The following CDH23 variants were observed in gnomAD, a reference collection of about 807,000 sequenced individuals.
CDH23 encodes cadherin related 23, also known as cadherin-23.
A neutral mutation model predicts 317.1 loss-of-function variants in CDH23; 189 were observed. The ratio of observed to expected loss-of-function variants is 0.60; its 90% CI spans 0.53 to 0.67. The LOEUF is 0.67. Ranked by LOEUF, CDH23 falls within the 30% of genes least tolerant of loss-of-function variation. The pLI, the probability that CDH23 is intolerant of heterozygous loss-of-function variation, is 0.00. For synonymous variants in CDH23, 1,839 were observed against 1,876.8 expected (o/e 0.98, Z 0.52); for missense variants, 4,401 against 4,592.4 (o/e 0.96, Z 1.20).
chr10:71,526,882 C>T (rs1855068035), intron 6 of CDH23, among the ~76,000 whole-genome samples: 1 of 152,186 alleles, frequency 6.6e-6, no homozygotes, highest in Non-Finnish European at 1.5e-5. Flanking sequence ...CTGTCAGTCA[C>T]TCCCAGCACC....
At chr10:71,470,070 T>C (rs1051741989) in intron 3 of CDH23, among the ~76,000 whole-genome samples, 1 of 152,150 alleles carries the variant, frequency 6.6e-6, no homozygotes, top group African/African-American at 2.4e-5. Flanking sequence ...CCTGGGCTCA[T>C]GTGATCCTCC....
intron 1 of CDH23, among the ~76,000 whole-genome samples, chr10:71,416,160 G>A (rs1848524845): frequency 6.6e-6 from 1 of 152,118 alleles, no homozygotes; most frequent in Non-Finnish European, 1.5e-5. Flanking sequence ...AATTAGCTGG[G>A]ATTACAGGTG....
At chr10:71,563,354 C>A (rs1446683853) in intron 6 of CDH23, among the ~76,000 whole-genome samples, 1 of 152,058 alleles carries the variant, frequency 6.6e-6, no homozygotes, top group Non-Finnish European at 1.5e-5. Flanking sequence ...GCCTCCCAGG[C>A]CCCCAGGTGC....
intron 1 of CDH23, among the ~76,000 whole-genome samples, chr10:71,423,358 G>A (rs1848901482): frequency 6.6e-6 from 1 of 152,220 alleles, no homozygotes; most frequent in African/African-American, 2.4e-5. Flanking sequence ...TGCCTCTACA[G>A]GGCTGTGGCT....
At position 71,730,475 on chromosome 10, in the gene CDH23, G is replaced by A. The variant is rs1168311433; in HGVS notation, c.3586G>A (p.Val1196Met). The A allele has an allele frequency of 6.2e-7, 1 of 1,613,688 alleles. No individual in the cohort carries two copies. Among genetic ancestry groups the A allele is most frequent in the Non-Finnish European group, 8.5e-7 (1 of 1,179,836 alleles). ...GPMRSSVRVI[V>M]YVEDINDEAP... is the part of the protein sequence containing the mutation. ...CCTGGCCCGGCTCCCACAGGTGATT[G>A]TGTACGTGGAGGACATCAACGATGA... is the stretch of plus-strand genomic sequence containing the variant. Residue 1196 changes from valine to methionine, a missense_variant, in exon 31 of 70, where the codon GTG becomes ATG. Physicochemically the swap from Val to Met is conservative, Grantham distance 21. This residue lies in a region of CDH23 where 3,068 missense variants were observed against 3,203.3 expected (regional missense o/e 0.96). Coordinates refer to ENST00000224721, the MANE Select transcript of CDH23 (RefSeq NM_022124.6).
rs75274724 is a variant in CDH23 at position 71,425,351 on chromosome 10, G to A, written c.-5-14476G>A. Among the ~76,000 whole-genome samples the A allele has an allele frequency of 3.5e-3, 442 of 126,130 alleles. 1 individual carries two copies. Among genetic ancestry groups the A allele is most frequent in the Middle Eastern group, 0.013 (3 of 226 alleles). The allele number at this position is 126,130 out of a possible 152,430, so 82.7% of individuals were successfully genotyped here. On this transcript the variant is annotated intron_variant, in intron 1 of 69. Transcript: ENST00000224721. The stretch of plus-strand genomic sequence containing the variant: ...AAAGAACAAAGAATAGTCACAGTGG[G>A]GCAGAGAGAAAGAGAGAGGAGAAGG...
At chr10:71,551,401 G>A (rs1856588919) in intron 6 of CDH23, among the ~76,000 whole-genome samples, 1 of 152,168 alleles carries the variant, frequency 6.6e-6, no homozygotes, top group African/African-American at 2.4e-5. Flanking sequence ...GAGAAGGAGG[G>A]AGGGGTGGGA....
At chr10:71,400,753 C>G (rs1158894895) in intron 1 of CDH23, among the ~76,000 whole-genome samples, 1 of 152,142 alleles carries the variant, frequency 6.6e-6, no homozygotes, top group Non-Finnish European at 1.5e-5. Context: ...GAGCCGAGAT[C>G]ATGCCACTGC....
intron 6 of CDH23, among the ~76,000 whole-genome samples, chr10:71,543,113 G>A (rs1041705195): frequency 6.6e-6 from 1 of 152,196 alleles, no homozygotes; most frequent in African/African-American, 2.4e-5. Flanking sequence ...ATGAGACGCT[G>A]TTCCTCCAGG....
At chr10:71,749,362 A>G (rs1047696810) in intron 38 of CDH23, 1 of 152,086 alleles carries the variant, frequency 6.6e-6, no homozygotes, top group Admixed American at 6.5e-5. Flanking sequence ...GCTGGAGTGT[A>G]GTGGCTCGAA....
rs564810283 is a variant in CDH23 at position 71,551,789 on chromosome 10, C to T, written c.430-14953C>T. On this transcript the variant is annotated intron_variant, in intron 6 of 69. Coordinates refer to ENST00000224721, the MANE Select transcript of CDH23 (RefSeq NM_022124.6). The stretch of plus-strand genomic sequence containing the variant: ...GTGGAGCCCAGTGGGCCTTGGTCTC[C>T]GAGACACAATAGACCAAGGAATTGG... 7.9e-5 allele frequency among the ~76,000 whole-genome samples: 12 copies of T among 152,270 alleles called. No individual in the cohort carries two copies. In the East Asian group the frequency reaches 1.5e-3, roughly 20 times the overall value.
chr10:71,735,547 T>C (rs553775383), intron 34 of CDH23, among the ~76,000 whole-genome samples: 57 of 152,250 alleles, frequency 3.7e-4, no homozygotes, highest in African/African-American at 1.3e-3. Flanking sequence ...GCCAGTCACA[T>C]CAGCTACCAT....
intron 1 of CDH23, among the ~76,000 whole-genome samples, chr10:71,423,482 G>T (rs1848905937): frequency 6.6e-6 from 1 of 152,234 alleles, no homozygotes. Flanking sequence ...GTGCTCCTTG[G>T]CTGGGCTCCT....
At position 71,806,269 on chromosome 10, in the gene CDH23, C is replaced by T. The variant is rs774041766; in HGVS notation, c.8166C>T (p.Phe2722=). ...ACATCGATGACAACGAACCCCTTTTCGTGAGGCCTCCAGTGAGCTTGCCCA... is the reference window on the plus strand; with the variant it reads ...ACATCGATGACAACGAACCCCTTTTTGTGAGGCCTCCAGTGAGCTTGCCCA... ...LEDIDDNEPL[F]VRPPKGSPQY... The change falls in exon 57 of 70, where the codon TTC becomes TTT. Residue 2722 remains phenylalanine, a synonymous_variant. Transcript: ENST00000224721. 6.4e-7 allele frequency: 1 copy of T among 1,558,120 alleles called. No homozygotes were observed. Among genetic ancestry groups the T allele is most frequent in the Non-Finnish European group, 8.7e-7 (1 of 1,151,622 alleles).
At chr10:71,670,036 TGTCTGGTC>T (rs1864080015) in intron 14 of CDH23, among the ~76,000 whole-genome samples, 1 of 152,162 alleles carries the variant, frequency 6.6e-6, no homozygotes, top group Non-Finnish European at 1.5e-5. Context: ...ACTGAACAAG[TGTCTGGTC>T]ACTGTTTTCA....
rs372172457 is a variant in CDH23, at chr10:71,732,123, G to A, written c.3852G>A (p.Ser1284=). 4.0e-5 allele frequency: 65 copies of A among 1,613,842 alleles called. No individual in the cohort carries two copies. The East Asian group carries it at 7.6e-4, about 19-fold the overall frequency. ...AGACCAGCTACATGATGAATGTGTCGGCCACTGACCAGGCCCCGCCCTTCA... is the reference window on the plus strand; with the variant it reads ...AGACCAGCTACATGATGAATGTGTCAGCCACTGACCAGGCCCCGCCCTTCA... The part of the protein sequence containing the change: ...ETKTSYMMNV[S]ATDQAPPFNQ... The change falls in exon 32 of 70, where the codon TCG becomes TCA. Residue 1284 remains serine, a synonymous_variant. Transcript: ENST00000224721.
intron 18 of CDH23, among the ~76,000 whole-genome samples, chr10:71,683,213 G>C (rs1180756872): frequency 1.3e-5 from 2 of 152,224 alleles, no homozygotes; most frequent in Non-Finnish European, 2.9e-5. Context: ...TCCGCATGGA[G>C]ACCTCCCCAC....
intron 18 of CDH23, among the ~76,000 whole-genome samples, 152 bp downstream of exon 18, chr10:71,682,724 CTT>C: frequency 6.6e-6 from 1 of 152,206 alleles, no homozygotes. Context: ...AAAGCCTGCC[CTT>C]AGCAAGTCTC....
At chr10:71,753,944 G>T (rs76857130) in intron 38 of CDH23, 2 of 450,144 alleles carry the variant, frequency 4.4e-6, no homozygotes, top group African/African-American at 2.0e-5. Flanking sequence ...TGGGGTGAGG[G>T]TTGTTGGTCC....
Sources: allele counts gnomAD v4.1 joint callset (sites outside exome capture counted in the v4.1 genomes callset), GRCh38; gene constraint gnomAD v4.1.1; regional missense constraint gnomAD v4.1.1; transcripts MANE v1.5; gene names NCBI Gene and HGNC (gene_info 2026-07-23, HGNC 2026-07-21).